The following DPP10 variants were observed in gnomAD, a reference collection of about 807,000 sequenced individuals.
DPP10 encodes the protein dipeptidyl peptidase like 10.
Under a neutral mutation model 120.9 loss-of-function variants are expected in DPP10, and 33 were observed. The ratio of observed to expected loss-of-function variants is 0.27; its 90% CI spans 0.21 to 0.37. The LOEUF (loss-of-function observed/expected upper bound fraction) is 0.37, where lower values mean the gene tolerates loss of function less well. Among genes scored for constraint, DPP10 ranks in the 10% least tolerant of loss-of-function variants. The pLI is 1.00. For synonymous variants in DPP10, 337 were observed against 326.1 expected (o/e 1.03, Z -0.36); for missense variants, 816 against 942.8 (o/e 0.87, Z 1.76).
At chr2:115,729,121 G>T (rs1022569269) in intron 8 of DPP10, among the ~76,000 whole-genome samples, 1 of 152,142 alleles carries the variant, frequency 6.6e-6, no homozygotes, top group Non-Finnish European at 1.5e-5. Flanking sequence ...AAATACACAG[G>T]TAAGGAGTGT....
At chr2:114,854,796 T>C (rs1574348492) in intron 1 of DPP10, among the ~76,000 whole-genome samples, 1 of 152,214 alleles carries the variant, frequency 6.6e-6, no homozygotes. Context: ...TATTCTTTAA[T>C]TTGTTATTGA....
At chr2:115,297,352 T>C (rs1015339645) in intron 1 of DPP10, 6 of 309,698 alleles carry the variant, frequency 1.9e-5, no homozygotes, top group South Asian at 1.2e-4. Context: ...AAGTTTACTA[T>C]TTTCTATCGC....
chr2:115,333,115 G>A (rs1024955578), intron 2 of DPP10, among the ~76,000 whole-genome samples: 4 of 151,994 alleles, frequency 2.6e-5, no homozygotes, highest in Non-Finnish European at 5.9e-5. Flanking sequence ...TCGTGTATTG[G>A]GTGCATATAT....
intron 1 of DPP10, among the ~76,000 whole-genome samples, chr2:114,661,558 A>C (rs1462953681): frequency 6.6e-6 from 1 of 152,238 alleles, no homozygotes; most frequent in African/African-American, 2.4e-5. Context: ...AAGTCCACAC[A>C]GAGCATTTCT....
chr2:115,423,511 G>A (rs1559582732), intron 3 of DPP10, among the ~76,000 whole-genome samples: 1 of 152,104 alleles, frequency 6.6e-6, no homozygotes, highest in African/African-American at 2.4e-5. Context: ...TATAGAGAGA[G>A]CTGTTTCTGT....
At position 114,548,200 on chromosome 2, in the gene DPP10, A is replaced by G. The variant is rs1161899549; in HGVS notation, c.60+105362A>G. 2.0e-5 allele frequency among the ~76,000 whole-genome samples: 3 copies of G among 152,340 alleles called. No individual in the cohort carries two copies. The East Asian group carries it at 5.8e-4, about 29-fold the overall frequency. On this transcript the variant is annotated intron_variant, in intron 1 of 25. Transcript: ENST00000410059. ...GGCATCTATTATTACCGTTAAGATG[A>G]TTCATCTCTATGGAGAAACTGGAGC...
At chr2:115,466,113 T>C (rs1225935633) in intron 3 of DPP10, among the ~76,000 whole-genome samples, 1 of 152,202 alleles carries the variant, frequency 6.6e-6, no homozygotes. Flanking sequence ...TTTCTACAAA[T>C]TCTAACTGAA....
intron 1 of DPP10, among the ~76,000 whole-genome samples, chr2:114,487,972 C>G (rs953530992): frequency 9.9e-5 from 15 of 152,148 alleles, no homozygotes; most frequent in Admixed American, 1.3e-4. Context: ...AAGTAAATCA[C>G]AGAGCAGTGG....
At chr2:115,316,704 C>T (rs1265506096) in intron 2 of DPP10, among the ~76,000 whole-genome samples, 4 of 152,076 alleles carry the variant, frequency 2.6e-5, no homozygotes, top group African/African-American at 7.2e-5. Flanking sequence ...AATAGTTTGT[C>T]ATATATTTTA....
chr2:115,689,648 A>G, intron 5 of DPP10, 39 bp from the exon 6 acceptor site: 1 of 1,280,332 alleles, frequency 7.8e-7, no homozygotes, highest in Non-Finnish European at 1.1e-6. Context: ...TCACATTAAG[A>G]TAAAGCTATG....
intron 1 of DPP10, among the ~76,000 whole-genome samples, chr2:115,146,557 C>G (rs1242693612): frequency 1.3e-5 from 2 of 151,574 alleles, no homozygotes; most frequent in Non-Finnish European, 2.9e-5. Flanking sequence ...TCCTCATACA[C>G]TCTACCTTAG....
At chr2:114,656,462 T>C (rs745957085) in intron 1 of DPP10, among the ~76,000 whole-genome samples, 1 of 152,154 alleles carries the variant, frequency 6.6e-6, no homozygotes, top group African/African-American at 2.4e-5. Flanking sequence ...AAATTGCTTA[T>C]CACTGATATT....
intron 1 of DPP10, among the ~76,000 whole-genome samples, chr2:114,757,329 A>G (rs1297272843): frequency 7.1e-6 from 1 of 141,396 alleles, no homozygotes; most frequent in Non-Finnish European, 1.5e-5. Flanking sequence ...GGAGGGAAGG[A>G]AAGAAGGAAG....
intron 1 of DPP10, among the ~76,000 whole-genome samples, chr2:114,659,191 C>A (rs1697201628): frequency 6.6e-6 from 1 of 152,148 alleles, no homozygotes; most frequent in Admixed American, 6.5e-5. Flanking sequence ...TCAGGTATTT[C>A]CCTATTGCAG....
intron 1 of DPP10, among the ~76,000 whole-genome samples, chr2:114,967,204 C>A (rs1017640614): frequency 2.0e-5 from 3 of 152,130 alleles, no homozygotes; most frequent in Non-Finnish European, 2.9e-5. Flanking sequence ...TAAAAAAAAT[C>A]TTCCATTAGG....
At chr2:115,533,701 C>A (rs994595623) in intron 5 of DPP10, among the ~76,000 whole-genome samples, 1 of 151,884 alleles carries the variant, frequency 6.6e-6, no homozygotes, top group African/African-American at 2.4e-5. Context: ...ACTAATATTT[C>A]AAAAAATACA....
At chr2:115,373,681 C>T (rs905446823) in intron 3 of DPP10, among the ~76,000 whole-genome samples, 2 of 151,766 alleles carry the variant, frequency 1.3e-5, no homozygotes, top group African/African-American at 4.8e-5. Context: ...TGGATTTATC[C>T]TTTTGCAATT....
intron 5 of DPP10, among the ~76,000 whole-genome samples, chr2:115,535,345 C>G (rs1487387613): frequency 6.6e-6 from 1 of 151,084 alleles, no homozygotes; most frequent in Non-Finnish European, 1.5e-5. Context: ...AGCCAGTTTT[C>G]CCAGCACCAT....
intron 5 of DPP10, among the ~76,000 whole-genome samples, chr2:115,585,780 A>G (rs2082253361): frequency 6.6e-6 from 1 of 152,102 alleles, no homozygotes; most frequent in Non-Finnish European, 1.5e-5. Context: ...ACATATGTGG[A>G]CATCTATCTA....
Sources: allele counts gnomAD v4.1 joint callset (sites outside exome capture counted in the v4.1 genomes callset), GRCh38; gene constraint gnomAD v4.1.1; transcripts MANE v1.5; gene names NCBI Gene and HGNC (gene_info 2026-07-23, HGNC 2026-07-21).